The following SMARCA4 variants were observed in gnomAD, a reference collection of about 807,000 sequenced individuals.
The protein encoded by SMARCA4 is SWI/SNF-related matrix-associated actin-dependent regulator of chromatin subfamily A member 4.
Under a neutral mutation model 193.9 loss-of-function variants are expected in SMARCA4, and 31 were observed. The observed-to-expected ratio is 0.16, with a 90% confidence interval of 0.12 to 0.22. The LOEUF is 0.22. Among genes scored for constraint, SMARCA4 ranks in the 10% least tolerant of loss-of-function variants. The pLI is 1.00. For missense variants in SMARCA4, 1,148 were observed against 2,296.0 expected (o/e 0.50, Z 10.22); for synonymous variants, 942 against 933.1 (o/e 1.01, Z -0.17).
At chr19:11,043,970 T>C (rs1044741708) in intron 30 of SMARCA4, among the ~76,000 whole-genome samples, 1 of 151,892 alleles carries the variant, frequency 6.6e-6, no homozygotes, top group Non-Finnish European at 1.5e-5. Flanking sequence ...AGTGAGACAA[T>C]ACCTGAAAAA....
Position 11,031,576 on chromosome 19 carries a change from C to G in SMARCA4, c.3546+683C>G, listed in dbSNP as rs879648727. ...GTATGTACTGAGATTAACACAGATG[C>G]GGCGTGGCCTAGCATGTGCCTCTTC... On this transcript the variant is annotated intron_variant, in intron 25 of 34. Coordinates refer to ENST00000344626, the MANE Select transcript of SMARCA4 (RefSeq NM_003072.5). This position sits in a 1 kb window ranked among gnomAD's most constrained non-coding sequence, Gnocchi z 4.3. 1.2e-4 allele frequency: 19 copies of G among 153,194 alleles called. No homozygotes were observed. The highest frequency in any genetic ancestry group is 4.3e-4 in the African/African-American group (18 of 41,448). The allele number at this position is 153,194 out of a possible 1,614,324, so 9.5% of individuals were successfully genotyped here.
chr19:11,051,373 T>A (rs1476295840), intron 30 of SMARCA4, among the ~76,000 whole-genome samples: 2 of 152,152 alleles, frequency 1.3e-5, no homozygotes, highest in African/African-American at 4.8e-5. Flanking sequence ...CGCTCGTGCC[T>A]TTCCCTCCTG....
chr19:10,996,961 C>T (rs1289583716), intron 11 of SMARCA4, among the ~76,000 whole-genome samples: 2 of 151,942 alleles, frequency 1.3e-5, no homozygotes, highest in Non-Finnish European at 2.9e-5. Flanking sequence ...ACCTCCTGGG[C>T]TCAAGTGATC....
chr19:10,976,884 T>C (rs890324916), intron 1 of SMARCA4, among the ~76,000 whole-genome samples: 1 of 151,806 alleles, frequency 6.6e-6, no homozygotes, highest in Admixed American at 6.6e-5. Context: ...GCAAAAACCC[T>C]GTCTCTACTA....
chr19:11,049,982 A>G (rs2076166934), intron 30 of SMARCA4, among the ~76,000 whole-genome samples: 1 of 152,166 alleles, frequency 6.6e-6, no homozygotes, highest in African/African-American at 2.4e-5. Flanking sequence ...CTCGCCTGTA[A>G]TCCCAGCTAC....
chr19:10,988,460 CTGTAGCTT>C (rs761617561), intron 6 of SMARCA4, among the ~76,000 whole-genome samples: 9 of 152,182 alleles, frequency 5.9e-5, no homozygotes, highest in Non-Finnish European at 1.3e-4. Flanking sequence ...TAAAACCTGC[CTGTAGCTT>C]CAATTATCTG....
At chr19:11,052,521 C>T (rs1170819072) in intron 30 of SMARCA4, among the ~76,000 whole-genome samples, 2 of 152,196 alleles carry the variant, frequency 1.3e-5, no homozygotes, top group Admixed American at 6.5e-5. Flanking sequence ...GAGCCAACGG[C>T]CCCTACAAAC....
intron 1 of SMARCA4, among the ~76,000 whole-genome samples, chr19:10,974,498 T>TA (rs917722075): frequency 6.7e-6 from 1 of 149,824 alleles, no homozygotes; most frequent in African/African-American, 2.5e-5. Flanking sequence ...AATCTGAATA[T>TA]AAAAAGTAAT....
chr19:11,047,371 A>T (rs10420325), intron 30 of SMARCA4, among the ~76,000 whole-genome samples: 88,428 of 151,198 alleles, frequency 0.58, 26,709 homozygotes, highest in East Asian at 0.72. Context: ...TGACGTTGAC[A>T]CAGAGCACTG....
In SMARCA4 at chr19:11,034,091, C is replaced by T. The variant is rs762466879; in HGVS notation, c.3874-32C>T. On this transcript the variant is annotated intron_variant, in intron 27 of 34. Transcript: ENST00000344626. This position sits in a 1 kb window ranked among gnomAD's most constrained non-coding sequence, Gnocchi z 7.0. ...CGGCCGCCGCCCACCCCGGCCCCTC[C>T]TCAGCGGCACTGACAGTTTGCAATC... 1 of 1,586,048 alleles carries T rather than the reference C, an allele frequency of 6.3e-7. No individual in the cohort carries two copies. The highest frequency in any genetic ancestry group is 1.3e-5 in the African/African-American group (1 of 74,526).
At position 11,010,420 on chromosome 19, in the gene SMARCA4, C is replaced by T. The variant is rs1555773262; in HGVS notation, c.2163C>T (p.Ser721=). ...ATGTCGATGATGAATATGGCGTGTC[C>T]CAGGCCCTTGCACGTGGCCTGCAGT... ...KQDVDDEYGV[S]QALARGLQSY... The change falls in exon 15 of 35, where the codon TCC becomes TCT. Residue 721 remains serine, a synonymous_variant. Coordinates refer to ENST00000344626, the MANE Select transcript of SMARCA4 (RefSeq NM_003072.5). The T allele has an allele frequency of 1.2e-6, 2 of 1,614,114 alleles. No homozygotes were observed. Among genetic ancestry groups the T allele is most frequent in the South Asian group, 1.1e-5 (1 of 91,088 alleles).
chr19:11,030,056 T>G lies in SMARCA4; in HGVS notation c.3383-674T>G, dbSNP rs942249279. On this transcript the variant is annotated intron_variant, in intron 24 of 34. Transcript: ENST00000344626. This position sits in a 1 kb window ranked among gnomAD's most constrained non-coding sequence, Gnocchi z 5.5. ...CGAACTCCCAGCAGCGCAGGGAGTGTTGACATTGCCTTAATGCCCACAACG... is the reference window on the plus strand; with the variant it reads ...CGAACTCCCAGCAGCGCAGGGAGTGGTGACATTGCCTTAATGCCCACAACG... Among the ~76,000 whole-genome samples, 1 of 152,166 alleles carries G rather than the reference T, an allele frequency of 6.6e-6. No homozygotes were observed. Among genetic ancestry groups the G allele is most frequent in the African/African-American group, 2.4e-5 (1 of 41,430 alleles).
Position 11,062,039 on chromosome 19 carries a change from A to C in SMARCA4, c.*223A>C, listed in dbSNP as rs1422361402. The C allele has an allele frequency of 6.8e-6, 4 of 586,938 alleles. No homozygotes were observed. In the African/African-American group the frequency reaches 7.5e-5, roughly 11 times the overall value. 36.4% of individuals were successfully genotyped at this position (586,938 alleles called of 1,614,324 possible). A position where few individuals can be genotyped will look rare whatever the true frequency, so the allele number is the denominator to read the frequency against. ...TGTAACAGCATTAACTGTCTTAAAG[A>C]GAGAGAGAGAGAATTCCGAATTGGG... On this transcript the variant is annotated 3_prime_UTR_variant, in exon 35 of 35. Coordinates refer to ENST00000344626, the MANE Select transcript of SMARCA4 (RefSeq NM_003072.5).
At chr19:11,061,197 AAAAAAAAATATATATATATAT>A (rs1355497757) in intron 34 of SMARCA4, among the ~76,000 whole-genome samples, 10 of 74,156 alleles carry the variant, frequency 1.3e-4, no homozygotes, top group Admixed American at 3.1e-4. Context: ...TTAAAAAAAA[AAAAAAAAATATATATATATAT>A]ATATATATAT....
chr19:10,977,177 G>T (rs898136219), intron 1 of SMARCA4, among the ~76,000 whole-genome samples: 1 of 152,218 alleles, frequency 6.6e-6, no homozygotes, highest in Admixed American at 6.5e-5. Context: ...GCACCTAGGG[G>T]TTTGCTGCTC....
intron 24 of SMARCA4, among the ~76,000 whole-genome samples, chr19:11,029,760 G>A (rs908128958): frequency 1.3e-5 from 2 of 152,120 alleles, no homozygotes; most frequent in African/African-American, 4.8e-5. Context: ...TGCAACCTCC[G>A]CCGCCTGGAT....
chr19:10,990,165 T>C (rs922736535), intron 7 of SMARCA4, among the ~76,000 whole-genome samples: 1 of 151,928 alleles, frequency 6.6e-6, no homozygotes, highest in African/African-American at 2.4e-5. Flanking sequence ...ATATTTTTCT[T>C]TTTTTTGAAA....
intron 30 of SMARCA4, among the ~76,000 whole-genome samples, chr19:11,057,632 G>A (rs1430418803): frequency 2.0e-5 from 3 of 152,206 alleles, no homozygotes; most frequent in Admixed American, 6.5e-5. Context: ...GGGAGGCTGA[G>A]GCAGGAGAAT....
At chr19:11,017,872 A>C (rs1290718526) in intron 16 of SMARCA4, among the ~76,000 whole-genome samples, 1 of 152,218 alleles carries the variant, frequency 6.6e-6, no homozygotes, top group Non-Finnish European at 1.5e-5. Context: ...TCATGGTTGC[A>C]GGACGGCTGC....
Sources: allele counts gnomAD v4.1 joint callset (sites outside exome capture counted in the v4.1 genomes callset), GRCh38; gene constraint gnomAD v4.1.1; non-coding constraint Gnocchi (gnomAD v3.1); transcripts MANE v1.5; gene names NCBI Gene and HGNC (gene_info 2026-07-23, HGNC 2026-07-21).